ARHGEF4: variants seen among roughly 807,000 people sequenced by gnomAD.
ARHGEF4 encodes the protein APC-stimulated guanine nucleotide exchange factor 1.
ARHGEF4 carries 119 observed loss-of-function variants against 162.0 expected under a neutral mutation model. The ratio of observed to expected loss-of-function variants is 0.73; its 90% CI spans 0.63 to 0.86. The LOEUF is 0.86. ARHGEF4 is among the 40% of genes least tolerant of loss of function. The pLI, the probability that ARHGEF4 is intolerant of heterozygous loss-of-function variation, is 0.00. For missense variants in ARHGEF4, 2,488 were observed against 2,456.0 expected (o/e 1.01, Z -0.28); for synonymous variants, 1,014 against 979.9 (o/e 1.03, Z -0.65).
chr2:131,000,485 A>G (rs943186759), intron 4 of ARHGEF4, among the ~76,000 whole-genome samples: 3 of 152,196 alleles, frequency 2.0e-5, no homozygotes, highest in Non-Finnish European at 4.4e-5. Context: ...TATTTTCTGA[A>G]GCAACTTGTA....
At chr2:130,963,150 C>T (rs989434316) in intron 4 of ARHGEF4, among the ~76,000 whole-genome samples, 2 of 152,244 alleles carry the variant, frequency 1.3e-5, no homozygotes, top group Non-Finnish European at 2.9e-5. Context: ...AACTCTTGCA[C>T]TGTAAAACCC....
rs751083208 is a variant in ARHGEF4 at position 130,974,272 on chromosome 2, G to GAA, written c.3985+27650_3985+27651dup. On this transcript the variant is annotated intron_variant, in intron 4 of 13. Coordinates refer to ENST00000409359, the MANE Select transcript of ARHGEF4 (RefSeq NM_001367493.1). Reference sequence around the variant, plus strand: ...GGGCAACAGAGTGAGATCTTGTCTGGAAAAAAAAAAAAAAGATAGAAACAT... The same window carrying GAA: ...GGGCAACAGAGTGAGATCTTGTCTGGAAAAAAAAAAAAAAAAGATAGAAACAT... Among the ~76,000 whole-genome samples, 326 of 133,554 alleles carry GAA rather than the reference G, an allele frequency of 2.4e-3. 2 individuals are homozygous for GAA. Among genetic ancestry groups the GAA allele is most frequent in the African/African-American group, 8.3e-3 (301 of 36,410 alleles). The allele number at this position is 133,554 out of a possible 152,430, so 87.6% of individuals were successfully genotyped here.
At position 130,838,285 on chromosome 2, in the gene ARHGEF4, G is replaced by T. The variant is rs536671498; in HGVS notation, c.39+1293G>T. Among the ~76,000 whole-genome samples the T allele has an allele frequency of 7.9e-5, 12 of 152,330 alleles. No individual in the cohort carries two copies. In the South Asian group the frequency reaches 2.3e-3, roughly 29 times the overall value. On this transcript the variant is annotated intron_variant, in intron 1 of 13. Transcript: ENST00000409359. ...TTCCATGCCCTCCACACCTTTCAGG[G>T]TTAGTGTGAAGGTCTTATTAGAAAA...
At chr2:130,853,093 T>A (rs1251457787) in intron 1 of ARHGEF4, among the ~76,000 whole-genome samples, 1 of 152,180 alleles carries the variant, frequency 6.6e-6, no homozygotes, top group Non-Finnish European at 1.5e-5. Flanking sequence ...CCCAGGGGGC[T>A]GTTTCTCAAA....
In ARHGEF4 at chr2:130,916,387, T is replaced by A; in HGVS notation, c.2441T>A (p.Val814Asp). 1 of 1,530,814 alleles carries A rather than the reference T, an allele frequency of 6.5e-7. No individual in the cohort carries two copies. Among genetic ancestry groups the A allele is most frequent in the Non-Finnish European group, 8.8e-7 (1 of 1,141,908 alleles). 94.8% of individuals were successfully genotyped at this position (1,530,814 alleles called of 1,614,324 possible). A position where few individuals can be genotyped will look rare whatever the true frequency, so the allele number is the denominator to read the frequency against. ...TTGGCCACTGAGAGCCCAGGAGGGG[T>A]CCCGGCCCCGACCACCGAGGGTCGC... ...RPLATESPGG[V>D]PAPTTEGRRW... Residue 814 changes from valine (V) to aspartate (D), a missense_variant, in exon 2 of 14, where the codon GTC (valine) becomes GAC (aspartate). Around this residue, in one of 6 missense-constraint regions of ARHGEF4, gnomAD observed 1,642 missense variants for 1,481.5 expected, o/e 1.11. Transcript: ENST00000409359.
At position 131,046,141 on chromosome 2, in the gene ARHGEF4, A is replaced by G. The variant is rs753819818; in HGVS notation, c.5583A>G (p.Pro1861=). Residue 1861 remains proline, a synonymous_variant, in exon 14 of 14, where the codon CCA becomes CCG. Coordinates refer to ENST00000409359, the MANE Select transcript of ARHGEF4 (RefSeq NM_001367493.1). ...TGCTGGCGGAGCCCAGGCGCAAGCC[A>G]TCTACCTTCTGGCACAGCATCAGCC... ...VLVLAEPRRK[P]STFWHSISRL... is the part of the protein sequence containing the mutation. The G allele has an allele frequency of 1.9e-6, 3 of 1,613,006 alleles. No homozygotes were observed. The highest frequency in any genetic ancestry group is 1.7e-4 in the Middle Eastern group (1 of 6,060).
At chr2:130,846,514 G>C (rs1330770555) in intron 1 of ARHGEF4, among the ~76,000 whole-genome samples, 1 of 152,220 alleles carries the variant, frequency 6.6e-6, no homozygotes, top group Non-Finnish European at 1.5e-5. Flanking sequence ...CTGCCTGCGG[G>C]GGCTGTGACC....
intron 4 of ARHGEF4, among the ~76,000 whole-genome samples, chr2:131,024,838 C>T (rs1260185515): frequency 6.6e-6 from 1 of 152,140 alleles, no homozygotes; most frequent in Non-Finnish European, 1.5e-5. Context: ...TGAAGCTGGA[C>T]AATGAATATA....
chr2:130,986,900 A>G (rs908246004), intron 4 of ARHGEF4, among the ~76,000 whole-genome samples: 3 of 152,236 alleles, frequency 2.0e-5, no homozygotes, highest in Non-Finnish European at 2.9e-5. Context: ...CTTGGGTCAC[A>G]CAATCCTAGG....
intron 4 of ARHGEF4, among the ~76,000 whole-genome samples, chr2:131,022,438 A>G (rs1035734681): frequency 2.0e-5 from 3 of 152,196 alleles, no homozygotes; most frequent in Non-Finnish European, 4.4e-5. Flanking sequence ...TTAATTTGCT[A>G]TTGTACAACA....
intron 2 of ARHGEF4, among the ~76,000 whole-genome samples, chr2:130,924,581 G>A (rs1172327101): frequency 6.6e-6 from 1 of 152,212 alleles, no homozygotes; most frequent in East Asian, 1.9e-4. Context: ...GGTGTGAAAG[G>A]TGCTGTTTGC....
At chr2:130,937,606 G>C (rs1683038432) in intron 3 of ARHGEF4, among the ~76,000 whole-genome samples, 1 of 151,666 alleles carries the variant, frequency 6.6e-6, no homozygotes, top group Non-Finnish European at 1.5e-5. Context: ...TCTCAGGGAT[G>C]GTTCTTGTTC....
Position 130,921,276 on chromosome 2 carries a change from C to T in ARHGEF4, c.3552+3778C>T, listed in dbSNP as rs549013789. On this transcript the variant is annotated intron_variant, in intron 2 of 13. Transcript: ENST00000409359. ...TAGCACTTTGGGAGGCAGGGGCGGGCGGATCACGAGGTCAGGAGATCTCTC... is the reference window on the plus strand; with the variant it reads ...TAGCACTTTGGGAGGCAGGGGCGGGTGGATCACGAGGTCAGGAGATCTCTC... Among the ~76,000 whole-genome samples the T allele has an allele frequency of 4.1e-3, 629 of 152,196 alleles. 3 individuals carry two copies. The highest frequency in any genetic ancestry group is 0.014 in the African/African-American group (586 of 41,530).
chr2:130,951,738 A>G (rs190728678), intron 4 of ARHGEF4, among the ~76,000 whole-genome samples: 12 of 152,300 alleles, frequency 7.9e-5, no homozygotes, highest in Admixed American at 6.5e-4. Flanking sequence ...ATGTATATAT[A>G]TATAACTTAC....
chr2:130,850,868 C>T (rs1681362923), intron 1 of ARHGEF4, among the ~76,000 whole-genome samples: 1 of 152,250 alleles, frequency 6.6e-6, no homozygotes, highest in South Asian at 2.1e-4. Context: ...GCTGCTGGGC[C>T]TCTGTCATGC....
rs149535169 is a variant in ARHGEF4, at chr2:130,966,597, C to T, written c.3985+19962C>T. On this transcript the variant is annotated intron_variant, in intron 4 of 13. Transcript: ENST00000409359. ...CTGCGTCTGAGCAGAGCTTCAGGCCCGGCTGGATGTAACGTGATGAGGCTC... is the reference window on the plus strand; with the variant it reads ...CTGCGTCTGAGCAGAGCTTCAGGCCTGGCTGGATGTAACGTGATGAGGCTC... 4.2e-3 allele frequency among the ~76,000 whole-genome samples: 646 copies of T among 152,258 alleles called. 2 individuals carry two copies. The highest frequency in any genetic ancestry group is 6.9e-3 in the Non-Finnish European group (467 of 68,010).
intron 13 of ARHGEF4, 35 bp downstream of exon 13, chr2:131,045,481 C>T (rs375054416): frequency 6.0e-5 from 96 of 1,613,440 alleles, no homozygotes; most frequent in East Asian, 2.0e-4. Context: ...CTCGGCTGCC[C>T]GGTCCTTACC....
intron 5 of ARHGEF4, among the ~76,000 whole-genome samples, chr2:131,031,881 G>A (rs1444279963): frequency 6.6e-6 from 1 of 152,216 alleles, no homozygotes; most frequent in African/African-American, 2.4e-5. Context: ...TTTTTCTGAA[G>A]CTAAAGCCAG....
At position 131,041,451 on chromosome 2, in the gene ARHGEF4, C is replaced by A. The variant is rs1210031270; in HGVS notation, c.4884C>A (p.His1628Gln). ...LQLAELLKYTHPQHRDFKDVE... is the reference protein window; with the variant it reads ...LQLAELLKYTQPQHRDFKDVE... ...TGGCCGAGCTGCTCAAATACACGCA[C>A]CCCCAGCACAGGTAGGAGGGCACTG... The change falls in exon 9 of 14, where the codon CAC becomes CAA. Residue 1628 changes from histidine to glutamine, a missense_variant. Around this residue, in one of 6 missense-constraint regions of ARHGEF4, gnomAD observed 415 missense variants for 512.4 expected, o/e 0.81. Coordinates refer to ENST00000409359, the MANE Select transcript of ARHGEF4 (RefSeq NM_001367493.1). 2 of 1,612,144 alleles carry A rather than the reference C, an allele frequency of 1.2e-6. No individual in the cohort carries two copies. The highest frequency in any genetic ancestry group is 1.7e-6 in the Non-Finnish European group (2 of 1,179,720).
Sources: allele counts gnomAD v4.1 joint callset (sites outside exome capture counted in the v4.1 genomes callset), GRCh38; gene constraint gnomAD v4.1.1; regional missense constraint gnomAD v4.1.1; transcripts MANE v1.5; gene names NCBI Gene and HGNC (gene_info 2026-07-23, HGNC 2026-07-21).